The following CACNA2D1 variants were observed in gnomAD, a reference collection of about 807,000 sequenced individuals.
The protein encoded by CACNA2D1 is voltage-dependent calcium channel subunit alpha-2/delta-1.
A neutral mutation model predicts 171.5 loss-of-function variants in CACNA2D1; 53 were observed. That is an observed-to-expected ratio of 0.31 (90% CI 0.25 to 0.39). The LOEUF is 0.39. Ranked by LOEUF, CACNA2D1 falls within the 10% of genes least tolerant of loss-of-function variation. CACNA2D1 has a pLI of 1.00. For missense variants in CACNA2D1, 903 were observed against 1,299.8 expected (o/e 0.69, Z 4.69); for synonymous variants, 442 against 443.1 (o/e 1.00, Z 0.03).
intron 18 of CACNA2D1, among the ~76,000 whole-genome samples, chr7:81,998,596 G>A (rs541221456): frequency 6.6e-6 from 1 of 151,914 alleles, no homozygotes; most frequent in African/African-American, 2.4e-5. Flanking sequence ...TTTGATAAAT[G>A]AACATTCTTA....
intron 1 of CACNA2D1, among the ~76,000 whole-genome samples, chr7:82,419,276 A>G (rs528891158): frequency 1.6e-4 from 24 of 152,312 alleles, no homozygotes; most frequent in Non-Finnish European, 2.8e-4. Flanking sequence ...TTAGTTTACT[A>G]TGCAGCTTTC....
At chr7:81,964,822 G>T (rs1488457674) in intron 32 of CACNA2D1, among the ~76,000 whole-genome samples, 4 of 151,862 alleles carry the variant, frequency 2.6e-5, no homozygotes, top group Non-Finnish European at 5.9e-5. Flanking sequence ...CGCAAAAAAG[G>T]TTAACAACCT....
At chr7:82,209,682 A>AT (rs1291901012) in intron 3 of CACNA2D1, among the ~76,000 whole-genome samples, 1 of 152,082 alleles carries the variant, frequency 6.6e-6, no homozygotes, top group East Asian at 1.9e-4. Context: ...TCTATCTCTA[A>AT]TTTTTTCTTA....
At chr7:82,391,708 T>C (rs1292468994) in intron 1 of CACNA2D1, among the ~76,000 whole-genome samples, 1 of 152,192 alleles carries the variant, frequency 6.6e-6, no homozygotes, top group Non-Finnish European at 1.5e-5. Context: ...TAAAGGGGAC[T>C]GGAAAGGGGA....
intron 3 of CACNA2D1, among the ~76,000 whole-genome samples, chr7:82,252,873 G>A (rs185336692): frequency 2.6e-5 from 4 of 151,832 alleles, no homozygotes; most frequent in African/African-American, 9.7e-5. Context: ...CTGGGTGACA[G>A]AGTGAGAATT....
intron 3 of CACNA2D1, among the ~76,000 whole-genome samples, chr7:82,268,442 G>GT (rs1310818425): frequency 9.2e-5 from 14 of 152,168 alleles, no homozygotes; most frequent in Non-Finnish European, 1.9e-4. Flanking sequence ...GAAACATACT[G>GT]TTTAACGTTT....
rs961471900 is a variant in CACNA2D1, at chr7:81,947,782, T to C, written c.*2610A>G. 1.3e-5 allele frequency: 2 copies of C among 151,946 alleles called. No homozygotes were observed. Among genetic ancestry groups the C allele is most frequent in the Non-Finnish European group, 2.9e-5 (2 of 67,868 alleles). The allele number at this position is 151,946 out of a possible 1,614,324, so 9.4% of individuals were successfully genotyped here. A position where few individuals can be genotyped will look rare whatever the true frequency, so the allele number is the denominator to read the frequency against. Reference sequence around the variant, plus strand: ...AATGTAATGTAATAATTTGATGGGATGAGTGTTACTGTCTTAAAAAATATG... The same window carrying C: ...AATGTAATGTAATAATTTGATGGGACGAGTGTTACTGTCTTAAAAAATATG... On this transcript the variant is annotated 3_prime_UTR_variant, in exon 39 of 39. Coordinates refer to ENST00000356860, the MANE Select transcript of CACNA2D1 (RefSeq NM_000722.4).
In CACNA2D1 at chr7:82,212,416, C is replaced by A. The variant is rs536685930; in HGVS notation, c.295-41807G>T. 3.5e-3 allele frequency among the ~76,000 whole-genome samples: 535 copies of A among 152,310 alleles called. 2 individuals carry two copies. Among genetic ancestry groups the A allele is most frequent in the South Asian group, 0.019 (90 of 4,828 alleles). Reference sequence around the variant, plus strand: ...CATTGAATTTTATCTAGCAATCCTACAAGGGGCAATGTTAAGACTCAATCC... The same window carrying A: ...CATTGAATTTTATCTAGCAATCCTAAAAGGGGCAATGTTAAGACTCAATCC... On this transcript the variant is annotated intron_variant, in intron 3 of 38. Transcript: ENST00000356860.
chr7:82,001,696 G>A, intron 18 of CACNA2D1: 1 of 1,258,684 alleles, frequency 7.9e-7, no homozygotes, highest in Non-Finnish European at 1.0e-6. Flanking sequence ...ATTAATTGTT[G>A]GTATACCTAC....
chr7:82,181,126 G>A (rs1797099801), intron 3 of CACNA2D1, among the ~76,000 whole-genome samples: 1 of 136,548 alleles, frequency 7.3e-6, no homozygotes, highest in Admixed American at 8.2e-5. Context: ...ACGACTACGA[G>A]GGGAAGAGAA....
At chr7:82,294,339 G>C (rs968279883) in intron 3 of CACNA2D1, among the ~76,000 whole-genome samples, 1 of 152,036 alleles carries the variant, frequency 6.6e-6, no homozygotes, top group Non-Finnish European at 1.5e-5. Flanking sequence ...ATGCAGGATG[G>C]AAATTTTAAC....
intron 1 of CACNA2D1, among the ~76,000 whole-genome samples, chr7:82,410,072 T>C (rs1426708759): frequency 1.3e-5 from 2 of 152,210 alleles, no homozygotes; most frequent in African/African-American, 4.8e-5. Context: ...GGGCCCATCA[T>C]TGAATAAAAT....
chr7:82,338,444 G>T (rs902656614), intron 2 of CACNA2D1, among the ~76,000 whole-genome samples: 1 of 152,092 alleles, frequency 6.6e-6, no homozygotes, highest in African/African-American at 2.4e-5. Context: ...ATCCTCCCAT[G>T]TCAACCTTCC....
chr7:81,964,800 T>G (rs1398816162), intron 32 of CACNA2D1, among the ~76,000 whole-genome samples: 2 of 152,082 alleles, frequency 1.3e-5, no homozygotes, highest in East Asian at 3.9e-4. Context: ...ATTTTAAGTC[T>G]TCTTACCATA....
chr7:82,326,810 A>T (rs561785957), intron 3 of CACNA2D1, among the ~76,000 whole-genome samples: 7 of 111,028 alleles, frequency 6.3e-5, no homozygotes, highest in African/African-American at 2.0e-4. Flanking sequence ...CTTGACCATT[A>T]TCAGATCCTA....
At chr7:82,396,739 T>C (rs1029414780) in intron 1 of CACNA2D1, among the ~76,000 whole-genome samples, 9 of 152,198 alleles carry the variant, frequency 5.9e-5, no homozygotes, top group Non-Finnish European at 1.2e-4. Context: ...CTAACTATAA[T>C]GAAACCAAGG....
chr7:82,081,217 A>G (rs1319266290), intron 7 of CACNA2D1, among the ~76,000 whole-genome samples: 5 of 152,236 alleles, frequency 3.3e-5, no homozygotes, highest in Non-Finnish European at 7.3e-5. Context: ...TTTAACATAC[A>G]GTAAACAGGG....
intron 5 of CACNA2D1, among the ~76,000 whole-genome samples, chr7:82,121,848 T>C (rs1789775257): frequency 6.6e-6 from 1 of 152,160 alleles, no homozygotes; most frequent in Non-Finnish European, 1.5e-5. Flanking sequence ...ATTCTTCAGG[T>C]AATAAAAATA....
intron 1 of CACNA2D1, among the ~76,000 whole-genome samples, chr7:82,397,780 A>C (rs979133531): frequency 1.3e-5 from 2 of 152,226 alleles, no homozygotes; most frequent in African/African-American, 4.8e-5. Flanking sequence ...GCGCTGTTAT[A>C]ATCATGAGAC....
Sources: allele counts gnomAD v4.1 joint callset (sites outside exome capture counted in the v4.1 genomes callset), GRCh38; gene constraint gnomAD v4.1.1; transcripts MANE v1.5; gene names NCBI Gene and HGNC (gene_info 2026-07-23, HGNC 2026-07-21).